Variants in BFSP1 observed in about 807,000 individuals in gnomAD.
BFSP1 encodes beaded filament structural protein 1.
Under a neutral mutation model 43.9 loss-of-function variants are expected in BFSP1, and 38 were observed. The observed-to-expected ratio is 0.87, with a 90% confidence interval of 0.67 to 1.14. The LOEUF (loss-of-function observed/expected upper bound fraction) is 1.14, where lower values mean the gene tolerates loss of function less well. Among genes scored for constraint, BFSP1 ranks in the 50% most tolerant of loss-of-function variants. The pLI is 0.00. For missense variants in BFSP1, 850 were observed against 875.1 expected, an observed-to-expected ratio of 0.97 and a Z score of 0.36; for synonymous variants, 352 against 354.8, an observed-to-expected ratio of 0.99 and a Z score of 0.09.
chr20:17,496,823 A>G (rs2033642281), intron 7 of BFSP1, 115 bp downstream of exon 7: 1 of 977,328 alleles, frequency 1.0e-6, no homozygotes, highest in Non-Finnish European at 1.5e-6. Flanking sequence ...TTCACATAAA[A>G]GCATTTAATT....
upstream of BFSP1, among the ~76,000 whole-genome samples, chr20:17,532,485 A>G (rs1442491444): frequency 1.3e-5 from 2 of 151,920 alleles, no homozygotes; most frequent in Admixed American, 1.3e-4. Flanking sequence ...ATACAAAAAA[A>G]TTTTAATAAA....
upstream of BFSP1, among the ~76,000 whole-genome samples, chr20:17,533,791 T>C (rs1275530468): frequency 6.6e-6 from 1 of 152,194 alleles, no homozygotes; most frequent in Non-Finnish European, 1.5e-5. Flanking sequence ...AAATATATTC[T>C]AGAAACATAA....
chr20:17,499,730 T>C (rs1401365620), intron 5 of BFSP1, among the ~76,000 whole-genome samples: 1 of 152,168 alleles, frequency 6.6e-6, no homozygotes, highest in Non-Finnish European at 1.5e-5. Context: ...GAGACCAGCC[T>C]GGCCAACATA....
intron 4 of BFSP1, 29 bp from the exon 5 acceptor site, chr20:17,509,025 A>C: frequency 3.4e-5 from 51 of 1,499,558 alleles, no homozygotes; most frequent in African/African-American, 4.2e-5. Flanking sequence ...AGTCAGACTC[A>C]TGGGACATGC....
At chr20:17,531,547 C>T (rs1368066791), upstream of BFSP1, among the ~76,000 whole-genome samples, 2 of 152,202 alleles carry the variant, frequency 1.3e-5, no homozygotes, top group African/African-American at 2.4e-5. Context: ...CATACAGCTC[C>T]GGGGTTGGAA....
chr20:17,520,576 G>A (rs1199931490), intron 2 of BFSP1, among the ~76,000 whole-genome samples: 1 of 152,186 alleles, frequency 6.6e-6, no homozygotes, highest in Non-Finnish European at 1.5e-5. Flanking sequence ...TCTTCCAGGT[G>A]CTAATGTTGG....
intron 1 of BFSP1, among the ~76,000 whole-genome samples, chr20:17,529,495 T>C (rs934946304): frequency 5.9e-5 from 9 of 152,038 alleles, no homozygotes; most frequent in Non-Finnish European, 1.2e-4. Flanking sequence ...GCCAGTGTCA[T>C]TGGGGCATGT....
At chr20:17,508,485 A>G (rs2033993809) in intron 5 of BFSP1, among the ~76,000 whole-genome samples, 1 of 152,226 alleles carries the variant, frequency 6.6e-6, no homozygotes, top group Non-Finnish European at 1.5e-5. Flanking sequence ...ACAGATTTGA[A>G]CAAGTGGAGG....
intron 1 of BFSP1, among the ~76,000 whole-genome samples, chr20:17,538,645 A>C (rs1180779333): frequency 1.3e-5 from 2 of 152,204 alleles, no homozygotes; most frequent in East Asian, 3.9e-4. Context: ...TTCTCTGCAC[A>C]GTCTCAGAAT....
Position 17,531,237 on chromosome 20 carries a change from G to A in BFSP1, c.93C>T (p.Ala31=), listed in dbSNP as rs757920706. Residue 31 remains alanine, a synonymous_variant, in exon 1 of 8, where the codon GCC becomes GCT. Coordinates refer to ENST00000377873, the MANE Select transcript of BFSP1 (RefSeq NM_001195.5). ...TCGTTGCCCCAGCCCAGCCCTCGTC[G>A]GCCGGGCGCTCGGGCTCGGCGGCGC... ...ASRAAEPERP[A]DEGWAGATSL... is the part of the protein sequence containing the mutation. 6 of 1,401,638 alleles carry A rather than the reference G, an allele frequency of 4.3e-6. No individual in the cohort carries two copies. In the African/African-American group the frequency reaches 6.0e-5, roughly 14 times the overall value. The allele number at this position is 1,401,638 out of a possible 1,614,324, so 86.8% of individuals were successfully genotyped here. A position where few individuals can be genotyped will look rare whatever the true frequency, so the allele number is the denominator to read the frequency against.
At chr20:17,523,251 A>G (rs1007819189) in intron 2 of BFSP1, among the ~76,000 whole-genome samples, 9 of 152,166 alleles carry the variant, frequency 5.9e-5, no homozygotes, top group African/African-American at 1.7e-4. Context: ...ATTTTCCATC[A>G]AGGGTAAAAG....
upstream of BFSP1, among the ~76,000 whole-genome samples, chr20:17,534,205 G>A (rs895322154): frequency 6.6e-6 from 1 of 152,182 alleles, no homozygotes; most frequent in African/African-American, 2.4e-5. Context: ...GATTCCACAG[G>A]ACTTGATGAA....
At chr20:17,505,809 C>T (rs530240330) in intron 5 of BFSP1, among the ~76,000 whole-genome samples, 1 of 152,252 alleles carries the variant, frequency 6.6e-6, no homozygotes, top group East Asian at 1.9e-4. Flanking sequence ...GCATCCCGGG[C>T]CACACCCCAG....
At position 17,498,985 on chromosome 20, in the gene BFSP1, A is replaced by G. The variant is rs1220328099; in HGVS notation, c.791T>C (p.Ile264Thr). ...CTCAATCTGCTCGTTATAAAGCTGA[A>G]TCTCATCGTCATAACACTCATGGGC... is the stretch of plus-strand genomic sequence containing the variant. ...KSAHECYDDE[I>T]QLYNEQIETL... The change falls in exon 6 of 8, where the codon ATT becomes ACT. Residue 264 changes from isoleucine (I) to threonine (T), a missense_variant. Transcript: ENST00000377873. 1 of 1,614,050 alleles carries G rather than the reference A, an allele frequency of 6.2e-7. No individual in the cohort carries two copies. Among genetic ancestry groups the G allele is most frequent in the Non-Finnish European group, 8.5e-7 (1 of 1,180,042 alleles).
At position 17,514,832 on chromosome 20, in the gene BFSP1, C is replaced by T. The variant is rs1431057825; in HGVS notation, c.439-16G>A. The T allele has an allele frequency of 6.2e-7, 1 of 1,611,732 alleles. No homozygotes were observed. Among genetic ancestry groups the T allele is most frequent in the African/African-American group, 1.3e-5 (1 of 75,000 alleles). On this transcript the variant is annotated splice_polypyrimidine_tract_variant and intron_variant, in intron 2 of 7. Coordinates refer to ENST00000377873, the MANE Select transcript of BFSP1 (RefSeq NM_001195.5). ...CATCAGCTTCCTGCAATGAGAGCCA[C>T]ATATCCCTGGCCACAGGCACCATGG...
upstream of BFSP1, among the ~76,000 whole-genome samples, chr20:17,560,070 T>C (rs2035053179): frequency 6.6e-6 from 1 of 152,098 alleles, no homozygotes; most frequent in African/African-American, 2.4e-5. Context: ...GCTGGGTTTC[T>C]TTGGCTGAAC....
chr20:17,509,255 C>CCCCA (rs2034019031), intron 4 of BFSP1, among the ~76,000 whole-genome samples: 4 of 149,494 alleles, frequency 2.7e-5, no homozygotes, highest in African/African-American at 1.0e-4. Flanking sequence ...CCCACCCCCA[C>CCCCA]CCCCTGTCTG....
Position 17,494,211 on chromosome 20 carries a change from T to C in BFSP1, c.1861A>G (p.Thr621Ala). 6.2e-7 allele frequency: 1 copy of C among 1,614,164 alleles called. No individual in the cohort carries two copies. The stretch of plus-strand genomic sequence containing the variant: ...TCGATAGATTCCACCACTTCCACTG[T>C]CTTATAGGCCAAAGCCTTGGGAGGG... Reference protein sequence around the residue: ...KGPPKALAYKTVEVVESIEKI... With the variant: ...KGPPKALAYKAVEVVESIEKI... Residue 621 changes from threonine (T) to alanine (A), a missense_variant, in exon 8 of 8, where the codon ACA becomes GCA. By Grantham distance (58) the Thr-to-Ala change is moderately conservative. Coordinates refer to ENST00000377873, the MANE Select transcript of BFSP1 (RefSeq NM_001195.5).
At chr20:17,565,278 G>T (rs1407710066) in intron 1 of BFSP1, among the ~76,000 whole-genome samples, 1 of 152,158 alleles carries the variant, frequency 6.6e-6, no homozygotes, top group Non-Finnish European at 1.5e-5. Context: ...TTTTTAGAAG[G>T]CTATCTGGCA....
Sources: allele counts gnomAD v4.1 joint callset (sites outside exome capture counted in the v4.1 genomes callset), GRCh38; gene constraint gnomAD v4.1.1; transcripts MANE v1.5; gene names NCBI Gene and HGNC (gene_info 2026-07-23, HGNC 2026-07-21).